The following PDE4D variants were observed in gnomAD, a reference collection of about 807,000 sequenced individuals.
The protein encoded by PDE4D is 3',5'-cyclic-AMP phosphodiesterase 4D.
In PDE4D, 24 loss-of-function variants were observed where a neutral mutation model predicts 87.4. The ratio of observed to expected loss-of-function variants is 0.27; its 90% CI spans 0.20 to 0.39. The LOEUF is 0.39. Ranked by LOEUF, PDE4D falls within the 10% of genes least tolerant of loss-of-function variation. The pLI, the probability that PDE4D is intolerant of heterozygous loss-of-function variation, is 1.00. For missense variants in PDE4D, 714 were observed against 1,041.0 expected, an observed-to-expected ratio of 0.69 and a Z score of 4.32; for synonymous variants, 384 against 383.2, an observed-to-expected ratio of 1.00 and a Z score of -0.02.
intron 1 of PDE4D, among the ~76,000 whole-genome samples, chr5:60,254,710 A>G (rs1165339719): frequency 6.6e-6 from 1 of 151,936 alleles, no homozygotes. Context: ...CTATGTCATC[A>G]TGATACTTAG....
At chr5:60,241,780 A>T (rs1747159497) in intron 1 of PDE4D, among the ~76,000 whole-genome samples, 1 of 144,324 alleles carries the variant, frequency 6.9e-6, no homozygotes, top group South Asian at 2.1e-4. Context: ...AAACCTAGAA[A>T]AGAGTATCAA....
chr5:60,441,334 G>C (rs992448058), intron 1 of PDE4D, among the ~76,000 whole-genome samples: 4 of 152,204 alleles, frequency 2.6e-5, no homozygotes, highest in African/African-American at 9.6e-5. Context: ...ACAAGCAATG[G>C]GGAAAGGATT....
At chr5:60,430,708 T>A (rs1460231736) in intron 1 of PDE4D, 1 of 273,290 alleles carries the variant, frequency 3.7e-6, no homozygotes, top group African/African-American at 2.3e-5. Flanking sequence ...AGTGTTTGCG[T>A]CCCTGGGTAC....
chr5:60,044,883 A>T lies in PDE4D; in HGVS notation c.43-56166T>A, dbSNP rs1045213619. ...ATAGTCCTTTGGGTATATACCCAGT[A>T]ATGGCATGGCTGGGTCAAATGGTAT... On this transcript the variant is annotated intron_variant, in intron 2 of 16. Transcript: ENST00000502484. 3.7e-4 allele frequency among the ~76,000 whole-genome samples: 57 copies of T among 152,266 alleles called. 1 individual carries two copies. Among genetic ancestry groups the T allele is most frequent in the Middle Eastern group, 3.4e-3 (1 of 294 alleles).
rs115436736 is a variant in PDE4D at position 60,351,598 on chromosome 5, C to T, written c.-90+136344G>A. ...AAGAAGGAAATTGGGTCCATGATGA[C>T]CTTGCAGAATTGCCATGCCAGCCCC... On this transcript the variant is annotated intron_variant, in intron 1 of 16. Transcript: ENST00000502484. Among the ~76,000 whole-genome samples the T allele has an allele frequency of 3.3e-3, 501 of 152,124 alleles. 1 individual carries two copies. Among genetic ancestry groups the T allele is most frequent in the African/African-American group, 0.012 (480 of 41,520 alleles).
intron 6 of PDE4D, among the ~76,000 whole-genome samples, chr5:59,029,415 A>T (rs6874662): frequency 1.8e-4 from 18 of 99,792 alleles, no homozygotes; most frequent in Admixed American, 7.0e-4. Flanking sequence ...AGACTCCATC[A>T]CAAAAAAAAA....
intron 2 of PDE4D, among the ~76,000 whole-genome samples, chr5:60,091,983 G>A (rs1292813439): frequency 2.0e-5 from 3 of 148,572 alleles, no homozygotes; most frequent in East Asian, 2.0e-4. Flanking sequence ...CCCGGGAGGC[G>A]GAGCTTGCAG....
chr5:59,389,421 A>G (rs1051882608), intron 1 of PDE4D, among the ~76,000 whole-genome samples: 1 of 151,902 alleles, frequency 6.6e-6, no homozygotes, highest in Non-Finnish European at 1.5e-5. Context: ...CAGCTAGGAC[A>G]GACAGAGCCT....
At chr5:60,140,733 CTAGAGG>C (rs1184136446) in intron 2 of PDE4D, among the ~76,000 whole-genome samples, 2 of 151,958 alleles carry the variant, frequency 1.3e-5, no homozygotes, top group African/African-American at 2.4e-5. Context: ...GAAATGTACC[CTAGAGG>C]TAAACTGTAG....
chr5:60,063,028 A>G (rs1475679432), intron 2 of PDE4D, among the ~76,000 whole-genome samples: 1 of 151,346 alleles, frequency 6.6e-6, no homozygotes, highest in African/African-American at 2.4e-5. Context: ...ACACACATAT[A>G]CTGTGTAAGA....
intron 5 of PDE4D, among the ~76,000 whole-genome samples, chr5:59,152,679 T>G (rs976592179): frequency 1.3e-5 from 2 of 152,128 alleles, no homozygotes; most frequent in African/African-American, 4.8e-5. Flanking sequence ...AATTGACCGG[T>G]TATTTTGAAA....
chr5:59,837,192 C>T (rs1448565423), intron 1 of PDE4D, among the ~76,000 whole-genome samples: 1 of 151,966 alleles, frequency 6.6e-6, no homozygotes, highest in Non-Finnish European at 1.5e-5. Context: ...TCAGTCAGTC[C>T]TGGTTTTTCA....
At chr5:59,863,896 A>G (rs757279525) in intron 1 of PDE4D, among the ~76,000 whole-genome samples, 1 of 152,160 alleles carries the variant, frequency 6.6e-6, no homozygotes, top group South Asian at 2.1e-4. Flanking sequence ...GATGAAATCC[A>G]AAAGAACTTC....
chr5:59,913,029 T>C (rs149292026), intron 3 of PDE4D, among the ~76,000 whole-genome samples: 5 of 152,242 alleles, frequency 3.3e-5, no homozygotes, highest in African/African-American at 1.2e-4. Flanking sequence ...GAAAACATCA[T>C]GGAAGGAGCA....
chr5:60,088,731 A>AAG (rs142927893), intron 2 of PDE4D, among the ~76,000 whole-genome samples: 2 of 151,856 alleles, frequency 1.3e-5, no homozygotes, highest in Admixed American at 6.6e-5. Context: ...AAACGAAAGT[A>AAG]AGAGAGAGAG....
chr5:59,300,507 T>C lies in PDE4D; in HGVS notation c.456-84539A>G, dbSNP rs141395753. On this transcript the variant is annotated intron_variant, in intron 1 of 14. Transcript: ENST00000340635. ...TTGAACAAGGTTTGACCGTCTTAAA[T>C]AAAAAGATTTTTGTGTTTGTTTGTT... Among the ~76,000 whole-genome samples the C allele has an allele frequency of 4.7e-4, 72 of 152,230 alleles. 1 individual carries two copies. Among genetic ancestry groups the C allele is most frequent in the Admixed American group, 6.5e-4 (10 of 15,286 alleles).
chr5:60,071,906 T>C (rs1271015496), intron 2 of PDE4D, among the ~76,000 whole-genome samples: 1 of 152,186 alleles, frequency 6.6e-6, no homozygotes, highest in Non-Finnish European at 1.5e-5. Context: ...ACAATTTATT[T>C]ACTCAGTTTA....
At chr5:60,113,084 C>T (rs1777840312) in intron 2 of PDE4D, among the ~76,000 whole-genome samples, 1 of 151,908 alleles carries the variant, frequency 6.6e-6, no homozygotes, top group Admixed American at 6.6e-5. Flanking sequence ...ACTTTTTAGC[C>T]TCCATAATAA....
At chr5:59,572,475 G>C (rs1433731063) in intron 1 of PDE4D, among the ~76,000 whole-genome samples, 1 of 150,782 alleles carries the variant, frequency 6.6e-6, no homozygotes, top group Non-Finnish European at 1.5e-5. Flanking sequence ...GTTTTGTTTT[G>C]TTTTTGTTTT....
Sources: gnomAD v4.1 joint callset for allele counts (sites outside exome capture counted in the v4.1 genomes callset) on GRCh38, gnomAD v4.1.1 for gene constraint, MANE v1.5 for transcripts, NCBI Gene and HGNC (gene_info 2026-07-23, HGNC 2026-07-21) for gene names.